The following SYNE1 variants were observed in gnomAD, a reference collection of about 807,000 sequenced individuals.
SYNE1 encodes the protein spectrin repeat containing nuclear envelope protein 1, also known as nesprin-1.
Under a neutral mutation model 1,111.0 loss-of-function variants are expected in SYNE1, and 616 were observed. That is an observed-to-expected ratio of 0.55 (90% CI 0.52 to 0.59). SYNE1 has a LOEUF of 0.59. Ranked by LOEUF, SYNE1 falls within the 20% of genes least tolerant of loss-of-function variation. SYNE1 has a pLI of 0.00. For synonymous variants in SYNE1, 3,855 were observed against 3,825.8 expected (o/e 1.01, Z -0.28); for missense variants, 10,006 against 10,417.0 (o/e 0.96, Z 1.72).
Position 152,407,020 on chromosome 6 carries a change from T to A in SYNE1, c.6717A>T (p.Glu2239Asp). 1.9e-6 allele frequency: 3 copies of A among 1,613,792 alleles called. No individual in the cohort carries two copies. The highest frequency in any genetic ancestry group is 2.5e-6 in the Non-Finnish European group (3 of 1,179,892). The part of the protein sequence containing the change: ...NHLRAEELLK[E>D]FESEVKNKAL... ...GTCAACACAGTCAATTTACCTCAAATTCTTTAAGCAGTTCTTCAGCTCTGA... is the reference window on the plus strand; with the variant it reads ...GTCAACACAGTCAATTTACCTCAAAATCTTTAAGCAGTTCTTCAGCTCTGA... Residue 2239 changes from glutamate to aspartate, a missense_variant, in exon 45 of 146, where the codon GAA becomes GAT. By Grantham distance (45) the Glu-to-Asp change is conservative. Coordinates refer to ENST00000367255, the MANE Select transcript of SYNE1 (RefSeq NM_182961.4).
rs201892710 is a variant in SYNE1 at position 152,404,114 on chromosome 6, T to TAC, written c.6825+98_6825+99insGT. 5,009 of 716,900 alleles carry TAC rather than the reference T, an allele frequency of 7.0e-3. 122 individuals carry two copies. In the African/African-American group the frequency reaches 0.075, roughly 11 times the overall value. 44.4% of individuals were successfully genotyped at this position (716,900 alleles called of 1,614,324 possible). On this transcript the variant is annotated intron_variant, in intron 46 of 145. Coordinates refer to ENST00000367255, the MANE Select transcript of SYNE1 (RefSeq NM_182961.4). ...GATATAGATATATGAGATATATATA[T>TAC]ATACACACACACACACACACACAGA...
At chr6:152,578,252 G>T (rs963368374) in intron 3 of SYNE1, among the ~76,000 whole-genome samples, 1 of 151,910 alleles carries the variant, frequency 6.6e-6, no homozygotes, top group African/African-American at 2.4e-5. Flanking sequence ...ACCTTCACCC[G>T]GTCTGCCCCA....
At chr6:152,376,597 CGATAAAGTTGATGAAAATCATGTTT>C in intron 57 of SYNE1, 39 bp from the exon 58 acceptor site, 1 of 1,608,580 alleles carries the variant, frequency 6.2e-7, no homozygotes, top group South Asian at 1.1e-5. Context: ...CAGGAAAAAG[CGATAAAGTTGATGAAAATCATGTTT>C]GATAGAATCA....
intron 3 of SYNE1, among the ~76,000 whole-genome samples, chr6:152,612,429 C>T (rs2128804763): frequency 6.6e-6 from 1 of 152,204 alleles, no homozygotes; most frequent in Admixed American, 6.5e-5. Flanking sequence ...CACATACATC[C>T]TCCCAAGACT....
chr6:152,143,556 C>G, intron 138 of SYNE1, 67 bp downstream of exon 138: 1 of 1,609,958 alleles, frequency 6.2e-7, no homozygotes, highest in Non-Finnish European at 8.5e-7. Flanking sequence ...ATGCTGCAGA[C>G]GAACTGTTCT....
intron 100 of SYNE1, among the ~76,000 whole-genome samples, chr6:152,266,738 T>C (rs1261137255): frequency 1.3e-5 from 2 of 152,190 alleles, no homozygotes; most frequent in Non-Finnish European, 2.9e-5. Flanking sequence ...ATTTCCTACA[T>C]TTTTTGTCAC....
At chr6:152,342,196 G>A (rs1382483536) in intron 74 of SYNE1, among the ~76,000 whole-genome samples, 1 of 152,204 alleles carries the variant, frequency 6.6e-6, no homozygotes, top group African/African-American at 2.4e-5. Flanking sequence ...TCTGGTATGT[G>A]TAGGAAATCT....
chr6:152,128,486 T>A (rs928552718), intron 145 of SYNE1: 2 of 152,218 alleles, frequency 1.3e-5, no homozygotes, highest in Non-Finnish European at 1.5e-5. Flanking sequence ...TTTAAAATAC[T>A]GTATGAAGAT....
chr6:152,550,666 G>GA (rs1402365221), intron 3 of SYNE1, among the ~76,000 whole-genome samples: 2 of 151,756 alleles, frequency 1.3e-5, no homozygotes, highest in Non-Finnish European at 2.9e-5. Context: ...AAATTGACCT[G>GA]AATTGAGAAA....
chr6:152,551,021 T>A (rs2099344330), intron 3 of SYNE1, among the ~76,000 whole-genome samples: 1 of 152,194 alleles, frequency 6.6e-6, no homozygotes, highest in African/African-American at 2.4e-5. Context: ...TCAAACCTTT[T>A]AGTTCTAAAT....
rs138094112 is a variant in SYNE1 at position 152,398,161 on chromosome 6, C to T, written c.7350+458G>A. Among the ~76,000 whole-genome samples the T allele has an allele frequency of 5.7e-3, 863 of 152,226 alleles. 11 individuals carry two copies. The highest frequency in any genetic ancestry group is 0.019 in the African/African-American group (785 of 41,542). ...ACCATGGCCTTCTCCTTCCTAAGCT[C>T]ATACATTTTCAGTCAGTAAAACCTA... On this transcript the variant is annotated intron_variant, in intron 49 of 145. Coordinates refer to ENST00000367255, the MANE Select transcript of SYNE1 (RefSeq NM_182961.4).
intron 104 of SYNE1, among the ~76,000 whole-genome samples, chr6:152,249,664 T>C (rs1235966521): frequency 6.6e-6 from 1 of 152,198 alleles, no homozygotes; most frequent in Non-Finnish European, 1.5e-5. Flanking sequence ...TTAAGAATCA[T>C]ATGATTTCCA....
intron 56 of SYNE1, 26 bp downstream of exon 56, chr6:152,380,980 C>G (rs2154115100): frequency 6.2e-7 from 1 of 1,605,410 alleles, no homozygotes; most frequent in Non-Finnish European, 8.5e-7. Flanking sequence ...GCATAACCAC[C>G]AATAGAAAAC....
intron 131 of SYNE1, among the ~76,000 whole-genome samples, chr6:152,163,520 A>G (rs1177667600): frequency 1.4e-5 from 2 of 143,564 alleles, no homozygotes; most frequent in Admixed American, 6.9e-5. Context: ...AAAAAAAAAG[A>G]AAGAATAAAT....
At chr6:152,369,745 G>T in intron 59 of SYNE1, 131 bp from the exon 60 acceptor site, 1 of 1,096,830 alleles carries the variant, frequency 9.1e-7, no homozygotes, top group African/African-American at 1.6e-5. Context: ...CACTTTGGGT[G>T]GCCGAGGTGA....
intron 46 of SYNE1, among the ~76,000 whole-genome samples, chr6:152,401,886 G>A (rs1237144000): frequency 6.6e-6 from 1 of 152,160 alleles, no homozygotes; most frequent in Non-Finnish European, 1.5e-5. Context: ...AGGACATATA[G>A]TCACTATACA....
chr6:152,533,470 G>A (rs1245132876), intron 4 of SYNE1, among the ~76,000 whole-genome samples: 1 of 151,936 alleles, frequency 6.6e-6, no homozygotes, highest in African/African-American at 2.4e-5. Context: ...ACAAGTTGGG[G>A]TTACCCTTGA....
At chr6:152,265,630 C>A (rs189203139) in intron 100 of SYNE1, among the ~76,000 whole-genome samples, 101 of 152,262 alleles carry the variant, frequency 6.6e-4, no homozygotes, top group African/African-American at 2.4e-3. Context: ...TATAGTCTTA[C>A]ATTTAATCAT....
intron 133 of SYNE1, among the ~76,000 whole-genome samples, chr6:152,153,876 C>T (rs979535735): frequency 3.9e-5 from 6 of 152,166 alleles, no homozygotes; most frequent in African/African-American, 1.4e-4. Context: ...ATGTACAACC[C>T]TGAGATTTTA....
Sources: gnomAD v4.1 joint callset for allele counts (sites outside exome capture counted in the v4.1 genomes callset) on GRCh38, gnomAD v4.1.1 for gene constraint, MANE v1.5 for transcripts, NCBI Gene and HGNC (gene_info 2026-07-23, HGNC 2026-07-21) for gene names.